TFAP2B: variants seen among roughly 807,000 people sequenced by gnomAD.
The protein encoded by TFAP2B is transcription factor AP-2 beta.
In TFAP2B, 9 loss-of-function variants were observed where a neutral mutation model predicts 44.3. The ratio of observed to expected loss-of-function variants is 0.20; its 90% CI spans 0.12 to 0.35. TFAP2B has a LOEUF of 0.35. Ranked by LOEUF, TFAP2B falls within the 10% of genes least tolerant of loss-of-function variation. The pLI is 1.00. For missense variants in TFAP2B, 509 were observed against 600.0 expected (o/e 0.85, Z 1.59); for synonymous variants, 270 against 263.8 (o/e 1.02, Z -0.23).
chr6:50,828,203 T>A (rs1178268500), intron 2 of TFAP2B, among the ~76,000 whole-genome samples: 1 of 152,228 alleles, frequency 6.6e-6, no homozygotes, highest in Non-Finnish European at 1.5e-5. Context: ...TAAACTATTA[T>A]GTATTTGTAA....
At chr6:50,829,240 C>T (rs1770608835) in intron 3 of TFAP2B, among the ~76,000 whole-genome samples, 1 of 152,136 alleles carries the variant, frequency 6.6e-6, no homozygotes, top group Non-Finnish European at 1.5e-5. Flanking sequence ...CTAAATCTTC[C>T]TACATATGCA....
chr6:50,823,431 CA>C lies in TFAP2B; in HGVS notation c.107del (p.His36ProfsTer60). The part of the protein sequence containing the change: ...YEDRHDGVPS[H>X]SSRLSQLGSV... ...GGACCGGCACGATGGTGTCCCGAGCCACAGCTCGCGGCTCTCCCAGCTGGGC... is the reference window on the plus strand; with the variant it reads ...GGACCGGCACGATGGTGTCCCGAGCCCAGCTCGCGGCTCTCCCAGCTGGGC... On this transcript the variant is annotated frameshift_variant, in exon 2 of 7. Transcript: ENST00000393655. LOFTEE classifies it high-confidence loss of function. 1 of 1,603,468 alleles carries C rather than the reference CA, an allele frequency of 6.2e-7. No individual in the cohort carries two copies. The highest frequency in any genetic ancestry group is 8.5e-7 in the Non-Finnish European group (1 of 1,175,324).
At chr6:50,832,740 C>CA (rs35281281) in intron 3 of TFAP2B, among the ~76,000 whole-genome samples, 20,558 of 152,090 alleles carry the variant, frequency 0.14, 1,477 homozygotes, top group African/African-American at 0.19. Context: ...ACAAAGTTCT[C>CA]AAAACTATAA....
chr6:50,841,937 G>C (rs1035148443), intron 6 of TFAP2B, among the ~76,000 whole-genome samples: 1 of 152,188 alleles, frequency 6.6e-6, no homozygotes, highest in Non-Finnish European at 1.5e-5. Context: ...ATCAGATTTA[G>C]CCACTATCCC....
chr6:50,846,496 G>A lies in TFAP2B; in HGVS notation c.*3104G>A, dbSNP rs906632157. 4 of 152,486 alleles carry A rather than the reference G, an allele frequency of 2.6e-5. No individual in the cohort carries two copies. The highest frequency in any genetic ancestry group is 9.7e-5 in the African/African-American group (4 of 41,398). 9.4% of individuals were successfully genotyped at this position (152,486 alleles called of 1,614,324 possible). A position where few individuals can be genotyped will look rare whatever the true frequency, so the allele number is the denominator to read the frequency against. On this transcript the variant is annotated 3_prime_UTR_variant, in exon 7 of 7. Coordinates refer to ENST00000393655, the MANE Select transcript of TFAP2B (RefSeq NM_003221.4). ...CGGCCCCTGCACTCTTCAGACATTT[G>A]GTCCCTGCCCACTCCTAAACGCTCA...
At chr6:50,819,840 G>C (rs1482205052) in intron 1 of TFAP2B, among the ~76,000 whole-genome samples, 1 of 113,780 alleles carries the variant, frequency 8.8e-6, no homozygotes, top group South Asian at 2.7e-4. Context: ...GGCGGCCGAG[G>C]CGGGCGAGGT....
At position 50,844,416 on chromosome 6, in the gene TFAP2B, T is replaced by G. The variant is rs1762800490; in HGVS notation, c.*1024T>G. ...GCTTTGCCCGCATGGTTTATGAGCT[T>G]CTTCAAAGAGGACTTGGGCTTCCTA... On this transcript the variant is annotated 3_prime_UTR_variant, in exon 7 of 7. Coordinates refer to ENST00000393655, the MANE Select transcript of TFAP2B (RefSeq NM_003221.4). The G allele has an allele frequency of 6.6e-6, 1 of 152,596 alleles. No individual in the cohort carries two copies. The highest frequency in any genetic ancestry group is 2.4e-5 in the African/African-American group (1 of 41,410). 9.5% of individuals were successfully genotyped at this position (152,596 alleles called of 1,614,324 possible). A position where few individuals can be genotyped will look rare whatever the true frequency, so the allele number is the denominator to read the frequency against.
In TFAP2B at chr6:50,843,563, A is replaced by T; in HGVS notation, c.*171A>T. 2 of 737,974 alleles carry T rather than the reference A, an allele frequency of 2.7e-6. No homozygotes were observed. Among genetic ancestry groups the T allele is most frequent in the Non-Finnish European group, 4.3e-6 (2 of 466,096 alleles). The allele number at this position is 737,974 out of a possible 1,614,324, so 45.7% of individuals were successfully genotyped here. A position where few individuals can be genotyped will look rare whatever the true frequency, so the allele number is the denominator to read the frequency against. ...AGCTAAATAACTTAAAAAAAAACTG[A>T]GGCGTACAACGGAGCAACAATATCG... On this transcript the variant is annotated 3_prime_UTR_variant, in exon 7 of 7. Transcript: ENST00000393655.
In TFAP2B at chr6:50,828,696, C is replaced by T; in HGVS notation, c.601+17C>T. ...TTAAAAAAGGTATGGATAATTCCCC[C>T]CAAAAAGTAAGCAAAGTTCTCTCAT... is the stretch of plus-strand genomic sequence containing the variant. On this transcript the variant is annotated intron_variant, in intron 3 of 6. Coordinates refer to ENST00000393655, the MANE Select transcript of TFAP2B (RefSeq NM_003221.4). 1.2e-6 allele frequency: 2 copies of T among 1,613,838 alleles called. No individual in the cohort carries two copies. Among genetic ancestry groups the T allele is most frequent in the Non-Finnish European group, 1.7e-6 (2 of 1,179,854 alleles).
rs898437807 is a variant in TFAP2B at position 50,838,071 on chromosome 6, G to T, written c.918G>T (p.Thr306=). The change falls in exon 5 of 7, where the codon ACG becomes ACT. Residue 306 remains threonine, a synonymous_variant. Transcript: ENST00000393655. ...PAGRRKAANV[T]LLTSLVEGEA... is the part of the protein sequence containing the mutation. ...GCAGGCGCAAAGCAGCAAATGTCAC[G>T]TTACTCACCTCCCTGGTGGAAGGTA... is the stretch of plus-strand genomic sequence containing the variant. 2 of 1,613,930 alleles carry T rather than the reference G, an allele frequency of 1.2e-6. No individual in the cohort carries two copies. The highest frequency in any genetic ancestry group is 2.2e-5 in the East Asian group (1 of 44,892).
chr6:50,823,944 G>C lies in TFAP2B; in HGVS notation c.540+79G>C. On this transcript the variant is annotated intron_variant, in intron 2 of 6. Coordinates refer to ENST00000393655, the MANE Select transcript of TFAP2B (RefSeq NM_003221.4). ...TTCTGGAGGGGGGGAGGTCAGGAGA[G>C]GGCAGCTCTGTCTCTTTTTGGGGAG... The C allele has an allele frequency of 2.8e-6, 4 of 1,431,696 alleles. 1 individual carries two copies. The South Asian group carries it at 4.9e-5, about 18-fold the overall frequency. 88.7% of individuals were successfully genotyped at this position (1,431,696 alleles called of 1,614,324 possible). A position where few individuals can be genotyped will look rare whatever the true frequency, so the allele number is the denominator to read the frequency against.
intron 1 of TFAP2B, 143 bp from the exon 2 acceptor site, chr6:50,823,264 G>A (rs1770405574): frequency 3.9e-6 from 3 of 775,258 alleles, no homozygotes; most frequent in Non-Finnish European, 2.2e-6. Flanking sequence ...CTTGTCCCGG[G>A]AAGAGCGTAC....
chr6:50,822,005 T>C, intron 1 of TFAP2B: 1 of 417,772 alleles, frequency 2.4e-6, no homozygotes, highest in Admixed American at 3.9e-5. Flanking sequence ...TTTTTTTTTT[T>C]TTTTGATGGC....
chr6:50,837,164 A>G (rs1268214766), intron 4 of TFAP2B, among the ~76,000 whole-genome samples: 1 of 152,232 alleles, frequency 6.6e-6, no homozygotes, highest in African/African-American at 2.4e-5. Context: ...AAAAGAGATT[A>G]CAGTAACTGA....
intron 6 of TFAP2B, among the ~76,000 whole-genome samples, chr6:50,840,585 C>T (rs1174456249): frequency 6.6e-6 from 1 of 152,148 alleles, no homozygotes; most frequent in Non-Finnish European, 1.5e-5. Context: ...CTTGTTCCAG[C>T]TCTTCCCTGG....
intron 5 of TFAP2B, among the ~76,000 whole-genome samples, chr6:50,838,612 T>C (rs990395318): frequency 9.9e-5 from 15 of 152,032 alleles, no homozygotes; most frequent in African/African-American, 3.6e-4. Flanking sequence ...TAGGGGAAGA[T>C]TGGGGAGGAG....
At chr6:50,820,358 G>A (rs1308062113) in intron 1 of TFAP2B, among the ~76,000 whole-genome samples, 1 of 152,006 alleles carries the variant, frequency 6.6e-6, no homozygotes, top group Non-Finnish European at 1.5e-5. Context: ...TCGGACGAGC[G>A]CCCACAGGCA....
chr6:50,831,194 G>C (rs1770659725), intron 3 of TFAP2B, among the ~76,000 whole-genome samples: 1 of 152,144 alleles, frequency 6.6e-6, no homozygotes, highest in African/African-American at 2.4e-5. Context: ...TTTGCTATCT[G>C]GGCTTAGCTG....
intron 1 of TFAP2B, among the ~76,000 whole-genome samples, chr6:50,822,942 A>G (rs760257592): frequency 6.6e-6 from 1 of 152,158 alleles, no homozygotes; most frequent in Admixed American, 6.5e-5. Context: ...AGCAAATACT[A>G]TGAAGTTTTA....
Sources: allele counts gnomAD v4.1 joint callset (sites outside exome capture counted in the v4.1 genomes callset), GRCh38; gene constraint gnomAD v4.1.1; transcripts MANE v1.5; gene names NCBI Gene and HGNC (gene_info 2026-07-23, HGNC 2026-07-21).